RBMS2: variants seen among roughly 807,000 people sequenced by gnomAD.
The protein encoded by RBMS2 is RNA-binding motif, single-stranded-interacting protein 2.
A neutral mutation model predicts 58.4 loss-of-function variants in RBMS2; 38 were observed. The ratio of observed to expected loss-of-function variants is 0.65; its 90% CI spans 0.50 to 0.85. RBMS2 has a LOEUF of 0.85. Among genes scored for constraint, RBMS2 ranks in the 40% least tolerant of loss-of-function variants. The pLI, the probability that RBMS2 is intolerant of heterozygous loss-of-function variation, is 0.00. For synonymous variants in RBMS2, 151 were observed against 180.7 expected, an observed-to-expected ratio of 0.84 and a Z score of 1.32; for missense variants, 367 against 503.7, an observed-to-expected ratio of 0.73 and a Z score of 2.60.
chr12:56,561,217 A>C (rs1880327768), intron 1 of RBMS2, among the ~76,000 whole-genome samples: 1 of 152,192 alleles, frequency 6.6e-6, no homozygotes, highest in African/African-American at 2.4e-5. Context: ...ATAGTGCTGC[A>C]GCGAACATAC....
chr12:56,546,427 A>G (rs903513320), intron 1 of RBMS2, among the ~76,000 whole-genome samples: 55 of 147,816 alleles, frequency 3.7e-4, no homozygotes, highest in Non-Finnish European at 5.8e-4. Context: ...GTAAAATATA[A>G]TGTATAATAT....
At position 56,591,020 on chromosome 12, in the gene RBMS2, ACT is replaced by A. The variant is rs1314850964; in HGVS notation, c.*1890_*1891del. On this transcript the variant is annotated 3_prime_UTR_variant, in exon 14 of 14. Coordinates refer to ENST00000262031, the MANE Select transcript of RBMS2 (RefSeq NM_002898.4). ...TAACTGTCCCCTTCTGCAAGATGTG[ACT>A]CTATACACATGGAGACAGATTGAAG... 1 of 152,046 alleles carries A rather than the reference ACT, an allele frequency of 6.6e-6. No homozygotes were observed. Among genetic ancestry groups the A allele is most frequent in the Non-Finnish European group, 1.5e-5 (1 of 68,034 alleles). 9.4% of individuals were successfully genotyped at this position (152,046 alleles called of 1,614,324 possible).
intron 1 of RBMS2, among the ~76,000 whole-genome samples, chr12:56,551,075 G>C (rs140505563): frequency 3.2e-4 from 47 of 147,616 alleles, no homozygotes; most frequent in African/African-American, 1.2e-3. Flanking sequence ...CTATGATCGC[G>C]CACCACTGCA....
intron 1 of RBMS2, among the ~76,000 whole-genome samples, chr12:56,547,511 A>C (rs1186091846): frequency 6.6e-6 from 1 of 152,152 alleles, no homozygotes; most frequent in Non-Finnish European, 1.5e-5. Flanking sequence ...TCTATTTAAA[A>C]AAATAATTAA....
At position 56,595,905 on chromosome 12, in the gene RBMS2, A is replaced by G. The variant is rs955227362; in HGVS notation, c.*6772A>G. On this transcript the variant is annotated 3_prime_UTR_variant, in exon 14 of 14. Coordinates refer to ENST00000262031, the MANE Select transcript of RBMS2 (RefSeq NM_002898.4). ...CTCCCCCTCAGGTGTGTAGAAGGGA[A>G]GATGAATACACAGAGTCTTTTGAAT... 4.3e-5 allele frequency: 3 copies of G among 70,464 alleles called. No individual in the cohort carries two copies. Among genetic ancestry groups the G allele is most frequent in the African/African-American group, 1.5e-4 (3 of 20,218 alleles). 4.4% of individuals were successfully genotyped at this position (70,464 alleles called of 1,614,324 possible). A position where few individuals can be genotyped will look rare whatever the true frequency, so the allele number is the denominator to read the frequency against.
At chr12:56,588,105 A>G (rs755811197) in intron 11 of RBMS2, among the ~76,000 whole-genome samples, 189 bp from the exon 12 acceptor site, 5 of 152,218 alleles carry the variant, frequency 3.3e-5, no homozygotes, top group Non-Finnish European at 7.3e-5. Flanking sequence ...TAAGTCATAT[A>G]GGGAGACGTC....
chr12:56,586,958 A>G (rs755175906), intron 10 of RBMS2, 32 bp downstream of exon 10: 2 of 1,590,362 alleles, frequency 1.3e-6, no homozygotes, highest in Non-Finnish European at 8.6e-7. Context: ...GAAGCCAAAG[A>G]GGCAATTTGA....
chr12:56,552,661 C>G (rs2136354284), intron 1 of RBMS2, among the ~76,000 whole-genome samples: 1 of 152,106 alleles, frequency 6.6e-6, no homozygotes, highest in East Asian at 1.9e-4. Context: ...GAGTACGAAA[C>G]CAGCCTGGGC....
chr12:56,552,922 CTTTTTTTTTTTT>C (rs57408592), intron 1 of RBMS2, among the ~76,000 whole-genome samples: 1 of 61,982 alleles, frequency 1.6e-5, no homozygotes, highest in African/African-American at 5.9e-5. Flanking sequence ...ATTAAGAGTC[CTTTTTTTTTTTT>C]TTTTTTTTTT....
chr12:56,581,333 T>C, intron 6 of RBMS2, 66 bp from the exon 7 acceptor site: 6 of 1,593,362 alleles, frequency 3.8e-6, no homozygotes, highest in Non-Finnish European at 5.2e-6. Context: ...TGGAGCAGCT[T>C]TGCATGACTG....
intron 1 of RBMS2, among the ~76,000 whole-genome samples, chr12:56,556,758 A>G (rs1203301842): frequency 6.6e-6 from 1 of 152,172 alleles, no homozygotes; most frequent in African/African-American, 2.4e-5. Flanking sequence ...AACATGAAAG[A>G]AGTATAGAGG....
intron 1 of RBMS2, among the ~76,000 whole-genome samples, chr12:56,528,185 GGCTACAGT>G (rs1873024759): frequency 6.6e-6 from 1 of 151,862 alleles, no homozygotes; most frequent in South Asian, 2.1e-4. Context: ...TAGAGGTCGA[GGCTACAGT>G]GAGCCATGAT....
intron 1 of RBMS2, among the ~76,000 whole-genome samples, chr12:56,539,076 C>T (rs929154129): frequency 4.1e-5 from 6 of 147,910 alleles, no homozygotes; most frequent in Admixed American, 6.8e-5. Context: ...AGTGCGGTGG[C>T]GCAATCTCGG....
At chr12:56,580,135 G>A (rs1310962863) in intron 5 of RBMS2, 6 of 276,690 alleles carry the variant, frequency 2.2e-5, no homozygotes, top group South Asian at 1.4e-4. Context: ...GTTTCACCAT[G>A]TTGGCCAGGA....
intron 1 of RBMS2, among the ~76,000 whole-genome samples, chr12:56,534,442 T>G (rs1874377116): frequency 6.6e-6 from 1 of 152,168 alleles, no homozygotes; most frequent in Non-Finnish European, 1.5e-5. Flanking sequence ...CTAAATTTAT[T>G]TCCAAAGTAT....
At chr12:56,543,103 G>A (rs1363626792) in intron 1 of RBMS2, among the ~76,000 whole-genome samples, 3 of 152,058 alleles carry the variant, frequency 2.0e-5, no homozygotes, top group African/African-American at 7.2e-5. Context: ...CAAACTCCTG[G>A]CCTCAATGAT....
chr12:56,572,131 A>T (rs921754621), intron 5 of RBMS2, among the ~76,000 whole-genome samples: 1 of 151,870 alleles, frequency 6.6e-6, no homozygotes. Flanking sequence ...TCTACTAAAA[A>T]TACAAAAATT....
chr12:56,539,892 A>G, intron 1 of RBMS2: 1 of 236,334 alleles, frequency 4.2e-6, no homozygotes, highest in Non-Finnish European at 8.7e-6. Context: ...TTCCAGCTTC[A>G]CTGGCCTTCT....
rs540718635 is a variant in RBMS2, at chr12:56,553,899, A to C, written c.67-8518A>C. Among the ~76,000 whole-genome samples, 130 of 148,754 alleles carry C rather than the reference A, an allele frequency of 8.7e-4. 1 individual carries two copies. The highest frequency in any genetic ancestry group is 2.9e-3 in the African/African-American group (118 of 40,188). ...GAGTGCAGTGACACGATCTCGGCTC[A>C]CTGCAGCCTCCGCCTCCTGGCTTCA... On this transcript the variant is annotated intron_variant, in intron 1 of 13. Transcript: ENST00000262031.
Sources: gnomAD v4.1 joint callset for allele counts (sites outside exome capture counted in the v4.1 genomes callset) on GRCh38, gnomAD v4.1.1 for gene constraint, MANE v1.5 for transcripts, NCBI Gene and HGNC (gene_info 2026-07-23, HGNC 2026-07-21) for gene names.